The following CDH4 variants were observed in gnomAD, a reference collection of about 807,000 sequenced individuals.
CDH4 encodes the protein cadherin-4.
Under a neutral mutation model 86.0 loss-of-function variants are expected in CDH4, and 33 were observed. The observed-to-expected ratio is 0.38, with a 90% CI of 0.29 to 0.51. The LOEUF (loss-of-function observed/expected upper bound fraction) is 0.51, where lower values mean the gene tolerates loss of function less well. Ranked by LOEUF, CDH4 falls within the 20% of genes least tolerant of loss-of-function variation. The pLI is 0.86. For synonymous variants in CDH4, 555 were observed against 549.4 expected, an observed-to-expected ratio of 1.01 and a Z score of -0.14; for missense variants, 1,114 against 1,307.4, an observed-to-expected ratio of 0.85 and a Z score of 2.28.
At chr20:61,577,299 G>A (rs1039021943) in intron 2 of CDH4, among the ~76,000 whole-genome samples, 7 of 151,296 alleles carry the variant, frequency 4.6e-5, no homozygotes, top group Admixed American at 1.3e-4. Flanking sequence ...AGGATGAGTG[G>A]ATGTTTTGTG....
chr20:61,914,343 C>G (rs2054882857), intron 9 of CDH4, among the ~76,000 whole-genome samples: 1 of 152,242 alleles, frequency 6.6e-6, no homozygotes. Flanking sequence ...GCCACTGTCT[C>G]ATTGCCTACC....
chr20:61,404,218 T>C (rs1202090787), intron 2 of CDH4, among the ~76,000 whole-genome samples: 1 of 152,098 alleles, frequency 6.6e-6, no homozygotes, highest in Non-Finnish European at 1.5e-5. Context: ...TTTCTTCTCC[T>C]TGCTAAGGAC....
intron 2 of CDH4, among the ~76,000 whole-genome samples, chr20:61,375,922 G>A (rs111220171): frequency 9.2e-4 from 95 of 103,810 alleles, no homozygotes; most frequent in Middle Eastern, 5.0e-3. Context: ...GATGGTCTTG[G>A]TGCTGGTGAT....
At chr20:61,385,832 C>CA (rs78236526) in intron 2 of CDH4, among the ~76,000 whole-genome samples, 37,415 of 152,046 alleles carry the variant, frequency 0.25, 4,989 homozygotes, top group African/African-American at 0.34. Context: ...GTCATTTACT[C>CA]AAAGAGCCCC....
chr20:61,632,410 C>G (rs1259446528), intron 2 of CDH4, among the ~76,000 whole-genome samples: 2 of 152,160 alleles, frequency 1.3e-5, no homozygotes, highest in Non-Finnish European at 2.9e-5. Flanking sequence ...TTCCAACTCA[C>G]CACCCACAGG....
At chr20:61,621,627 A>G (rs927095313) in intron 2 of CDH4, among the ~76,000 whole-genome samples, 10 of 152,320 alleles carry the variant, frequency 6.6e-5, no homozygotes, top group African/African-American at 2.4e-4. Context: ...CACGAGCATC[A>G]GCTGCAGAGG....
intron 3 of CDH4, among the ~76,000 whole-genome samples, chr20:61,756,365 T>G (rs2145962425): frequency 6.6e-6 from 1 of 152,256 alleles, no homozygotes; most frequent in South Asian, 2.1e-4. Flanking sequence ...CAGGCAGCTG[T>G]TAGCAAACGT....
At position 61,894,934 on chromosome 20, in the gene CDH4, G is replaced by A. The variant is rs748187890; in HGVS notation, c.1075G>A (p.Val359Ile). The change falls in exon 8 of 16, where the codon GTT (valine) becomes ATT (isoleucine). Residue 359 changes from valine (V) to isoleucine (I), a missense_variant. By Grantham distance (29) the Val-to-Ile change is conservative. This residue lies in a region of CDH4 where 705 missense variants were observed against 914.1 expected (regional missense o/e 0.77). Transcript: ENST00000614565. ...REKVQQYTVIVQATDMEGNLN... is the reference protein window; with the variant it reads ...REKVQQYTVIIQATDMEGNLN... ...GAAAGTTCAGCAGTACACAGTCATC[G>A]TTCAGGCCACAGATATGGAAGGAAA... The A allele has an allele frequency of 9.8e-5, 158 of 1,613,742 alleles. No individual in the cohort carries two copies. In the Admixed American group the frequency reaches 2.0e-3, roughly 21 times the overall value.
At chr20:61,599,061 A>G (rs1467706651) in intron 2 of CDH4, among the ~76,000 whole-genome samples, 1 of 152,090 alleles carries the variant, frequency 6.6e-6, no homozygotes, top group Admixed American at 6.5e-5. Context: ...TGACTTCTTG[A>G]CACCACGTCC....
intron 2 of CDH4, among the ~76,000 whole-genome samples, chr20:61,333,318 A>G (rs1416137797): frequency 1.3e-5 from 2 of 152,036 alleles, no homozygotes; most frequent in African/African-American, 4.8e-5. Flanking sequence ...GGAGCTGGCA[A>G]GTTTCTCTTT....
At chr20:61,774,685 C>A (rs1417629092) in intron 4 of CDH4, among the ~76,000 whole-genome samples, 2 of 107,938 alleles carry the variant, frequency 1.9e-5, no homozygotes, top group Non-Finnish European at 4.1e-5. Context: ...CTGCCCCACC[C>A]CTCCCACAGG....
chr20:61,470,345 T>C (rs1403149664), intron 2 of CDH4, among the ~76,000 whole-genome samples: 2 of 152,174 alleles, frequency 1.3e-5, no homozygotes, highest in African/African-American at 4.8e-5. Flanking sequence ...GATTGTTCAC[T>C]GTTGACATAT....
chr20:61,410,851 G>A (rs143240497), intron 2 of CDH4, among the ~76,000 whole-genome samples: 20 of 143,450 alleles, frequency 1.4e-4, no homozygotes, highest in African/African-American at 3.7e-4. Context: ...CCATCCATCC[G>A]TCCGTCCGTC....
rs1274852900 is a variant in CDH4 at position 61,623,402 on chromosome 20, T to C, written c.170-120161T>C. ...ACAAAGCCCCCTTTAAACTCCCGTTTAGAACAGTGATTGAAGGTGCTAATT... is the reference window on the plus strand; with the variant it reads ...ACAAAGCCCCCTTTAAACTCCCGTTCAGAACAGTGATTGAAGGTGCTAATT... On this transcript the variant is annotated intron_variant, in intron 2 of 15. Transcript: ENST00000614565. This position sits in a 1 kb window ranked among gnomAD's most constrained non-coding sequence, Gnocchi z 4.4. Among the ~76,000 whole-genome samples, 2 of 152,216 alleles carry C rather than the reference T, an allele frequency of 1.3e-5. No homozygotes were observed. Among genetic ancestry groups the C allele is most frequent in the African/African-American group, 4.8e-5 (2 of 41,458 alleles).
rs74626481 is a variant in CDH4 at position 61,588,628 on chromosome 20, C to G, written c.170-154935C>G. Among the ~76,000 whole-genome samples the G allele has an allele frequency of 2.3e-3, 345 of 152,234 alleles. 4 individuals are homozygous for G. Among genetic ancestry groups the G allele is most frequent in the African/African-American group, 7.7e-3 (320 of 41,542 alleles). Reference sequence around the variant, plus strand: ...GGCTTTCTCACCCCAGGGCCCTCCCCCTCCCGAGACCACACTAGCCCGCTG... The same window carrying G: ...GGCTTTCTCACCCCAGGGCCCTCCCGCTCCCGAGACCACACTAGCCCGCTG... On this transcript the variant is annotated intron_variant, in intron 2 of 15. Coordinates refer to ENST00000614565, the MANE Select transcript of CDH4 (RefSeq NM_001794.5).
intron 2 of CDH4, chr20:61,369,734 A>G (rs901419464): frequency 7.4e-6 from 1 of 134,772 alleles, no homozygotes; most frequent in Non-Finnish European, 1.6e-5. Context: ...AAAACCAACC[A>G]AAAAAAAAAA....
intron 2 of CDH4, among the ~76,000 whole-genome samples, chr20:61,278,155 A>G (rs991942297): frequency 6.6e-6 from 1 of 152,176 alleles, no homozygotes. Flanking sequence ...TTTTTAAAGT[A>G]TGGACTCATT....
At chr20:61,555,107 A>ATG (rs1224869637) in intron 2 of CDH4, among the ~76,000 whole-genome samples, 12 of 151,574 alleles carry the variant, frequency 7.9e-5, no homozygotes, top group South Asian at 2.1e-4. Context: ...TATGAGCCGT[A>ATG]TGTGTGTGTG....
At chr20:61,745,972 G>A (rs559650697) in intron 3 of CDH4, among the ~76,000 whole-genome samples, 10 of 152,206 alleles carry the variant, frequency 6.6e-5, no homozygotes, top group East Asian at 5.8e-4. Flanking sequence ...GACAGTCCCC[G>A]TGGGAATGTG....
Sources: gnomAD v4.1 joint callset for allele counts (sites outside exome capture counted in the v4.1 genomes callset) on GRCh38, gnomAD v4.1.1 for gene constraint, gnomAD v4.1.1 regional missense constraint, Gnocchi (gnomAD v3.1) non-coding constraint, MANE v1.5 for transcripts, NCBI Gene and HGNC (gene_info 2026-07-23, HGNC 2026-07-21) for gene names.